The following AKAP19 variants were observed in gnomAD, a reference collection of about 807,000 sequenced individuals.
AKAP19 encodes A-kinase anchoring protein 19.
At chr2:189,960,436 G>A in the AKAP19 span, among the ~76,000 whole-genome samples, 1 of 152,162 alleles carries the variant, frequency 6.6e-6, no homozygotes, top group Admixed American at 6.5e-5. Flanking sequence ...AGGATGTAGT[G>A]AGCTGAAAGA....
the AKAP19 span, among the ~76,000 whole-genome samples, chr2:190,074,818 G>A: frequency 3.3e-5 from 5 of 152,092 alleles, no homozygotes; most frequent in African/African-American, 7.2e-5. Context: ...CCACTAAACC[G>A]TAAGCTCCAT....
At chr2:189,958,957 A>G in the AKAP19 span, among the ~76,000 whole-genome samples, 1 of 152,150 alleles carries the variant, frequency 6.6e-6, no homozygotes, top group Admixed American at 6.5e-5. Context: ...AGTACCCTAA[A>G]GAAAAGCAAG....
chr2:190,185,716 C>T, the AKAP19 span, among the ~76,000 whole-genome samples: 4 of 152,332 alleles, frequency 2.6e-5, no homozygotes, highest in South Asian at 8.3e-4. Context: ...GGACTTAAGA[C>T]ATCTATCGCC....
chr2:189,887,303 T>C, the AKAP19 span, among the ~76,000 whole-genome samples: 1 of 152,238 alleles, frequency 6.6e-6, no homozygotes, highest in Admixed American at 6.5e-5. Flanking sequence ...GCAAAGACCA[T>C]TAACTCATCC....
chr2:190,134,097 AT>A, the AKAP19 span, among the ~76,000 whole-genome samples: 3 of 152,170 alleles, frequency 2.0e-5, no homozygotes, highest in Non-Finnish European at 4.4e-5. Context: ...AAATATATAT[AT>A]TTTGTGTGAA....
chr2:189,882,512 T>A, the AKAP19 span, among the ~76,000 whole-genome samples: 1 of 152,100 alleles, frequency 6.6e-6, no homozygotes, highest in Non-Finnish European at 1.5e-5. Flanking sequence ...GGCTTCCAGG[T>A]TATAGGTAGA....
the AKAP19 span, among the ~76,000 whole-genome samples, chr2:190,160,997 T>G: frequency 6.6e-6 from 1 of 152,190 alleles, no homozygotes; most frequent in South Asian, 2.1e-4. Context: ...AGAAAATCCT[T>G]GATTTATAGA....
chr2:190,032,723 T>G, the AKAP19 span, among the ~76,000 whole-genome samples: 15 of 152,116 alleles, frequency 9.9e-5, no homozygotes, highest in African/African-American at 1.2e-4. Context: ...GTTTTGTTTT[T>G]TTTTTTACCC....
At chr2:190,101,690 C>A in the AKAP19 span, among the ~76,000 whole-genome samples, 1 of 150,986 alleles carries the variant, frequency 6.6e-6, no homozygotes, top group South Asian at 2.1e-4. Context: ...AAAAAAAAAA[C>A]TACTTCTAGT....
the AKAP19 span, among the ~76,000 whole-genome samples, chr2:189,918,010 A>G: frequency 6.6e-6 from 1 of 152,010 alleles, no homozygotes; most frequent in South Asian, 2.1e-4. Context: ...CATTATATAT[A>G]CATAACTTAT....
At chr2:190,079,960 G>A in the AKAP19 span, 1 of 151,622 alleles carries the variant, frequency 6.6e-6, no homozygotes, top group East Asian at 1.9e-4. Context: ...GTAGCCTATT[G>A]GACCTGCCAG....
chr2:190,198,535 G>C, the AKAP19 span, among the ~76,000 whole-genome samples: 1 of 150,596 alleles, frequency 6.6e-6, no homozygotes, highest in Admixed American at 6.7e-5. Flanking sequence ...AGTGGGCTGA[G>C]GTGGAAGGAT....
the AKAP19 span, among the ~76,000 whole-genome samples, chr2:190,070,127 C>G: frequency 6.6e-6 from 1 of 152,090 alleles, no homozygotes; most frequent in African/African-American, 2.4e-5. Flanking sequence ...GCCCTTTGTT[C>G]TTGGACCCTA....
chr2:189,972,004 A>G, the AKAP19 span, among the ~76,000 whole-genome samples: 1 of 152,114 alleles, frequency 6.6e-6, no homozygotes, highest in Admixed American at 6.6e-5. Context: ...CCATTTGTCA[A>G]TTTTGGCTTT....
At chr2:190,039,872 A>G in the AKAP19 span, among the ~76,000 whole-genome samples, 1 of 152,212 alleles carries the variant, frequency 6.6e-6, no homozygotes, top group Non-Finnish European at 1.5e-5. Context: ...TTATGGTCAC[A>G]TAGTATTCCA....
At chr2:189,917,139 A>T in the AKAP19 span, 2 of 439,640 alleles carry the variant, frequency 4.5e-6, 1 homozygote, top group Non-Finnish European at 8.2e-6. Context: ...AGGTCACAGA[A>T]AAATACTGTA....
the AKAP19 span, among the ~76,000 whole-genome samples, chr2:190,192,189 A>G: frequency 1.3e-5 from 2 of 152,120 alleles, no homozygotes; most frequent in Non-Finnish European, 2.9e-5. Flanking sequence ...CAATTGTTCC[A>G]ATCCCATTTG....
the AKAP19 span, among the ~76,000 whole-genome samples, chr2:190,100,156 G>C: frequency 6.6e-6 from 1 of 152,098 alleles, no homozygotes; most frequent in Admixed American, 6.5e-5. Flanking sequence ...TTGAAATGGA[G>C]ACTAAGGGAA....
chr2:190,060,013 T>C, the AKAP19 span: 1 of 1,565,098 alleles, frequency 6.4e-7, no homozygotes, highest in Non-Finnish European at 8.8e-7. Context: ...GTTCATATTA[T>C]GAATAAAAAC....
Sources: gnomAD v4.1 joint callset for allele counts (sites outside exome capture counted in the v4.1 genomes callset) on GRCh38, gnomAD v4.1.1 for gene constraint, MANE v1.5 for transcripts, NCBI Gene and HGNC (gene_info 2026-07-23, HGNC 2026-07-21) for gene names.